Variants in RIOK2 observed in about 807,000 individuals in gnomAD.
The protein encoded by RIOK2 is serine/threonine-protein kinase RIO2.
Under a neutral mutation model 62.4 loss-of-function variants are expected in RIOK2, and 46 were observed. The observed-to-expected ratio is 0.74, with a 90% CI of 0.58 to 0.94. The LOEUF is 0.94. Among genes scored for constraint, RIOK2 ranks in the 40% least tolerant of loss-of-function variants. The pLI is 0.00. For missense variants in RIOK2, 574 were observed against 658.0 expected (o/e 0.87, Z 1.40); for synonymous variants, 197 against 216.0 (o/e 0.91, Z 0.77).
intron 1 of RIOK2, among the ~76,000 whole-genome samples, chr5:97,180,142 G>GTATGTATGTATATATA (rs1350504483): frequency 3.1e-5 from 3 of 96,072 alleles, no homozygotes; most frequent in Non-Finnish European, 6.1e-5. Context: ...ATATATATAT[G>GTATGTATGTATATATA]TATATATATA....
rs1482780413 is a variant in RIOK2 at position 97,161,216 on chromosome 5, G to A, written c.*1845C>T. 6.6e-6 allele frequency: 1 copy of A among 152,174 alleles called. No individual in the cohort carries two copies. Among genetic ancestry groups the A allele is most frequent in the Non-Finnish European group, 1.5e-5 (1 of 68,028 alleles). 9.4% of individuals were successfully genotyped at this position (152,174 alleles called of 1,614,324 possible). A position where few individuals can be genotyped will look rare whatever the true frequency, so the allele number is the denominator to read the frequency against. On this transcript the variant is annotated 3_prime_UTR_variant, in exon 10 of 10. Coordinates refer to ENST00000283109, the MANE Select transcript of RIOK2 (RefSeq NM_018343.3). The stretch of plus-strand genomic sequence containing the variant: ...ACAGAAGGTACCTGAGGTTTGGGAA[G>A]TGTAGAACCAGGATTTAAATCTGGA...
rs1409087651 is a variant in RIOK2, at chr5:97,161,072, A to G, written c.*1989T>C. On this transcript the variant is annotated 3_prime_UTR_variant, in exon 10 of 10. Transcript: ENST00000283109. ...ATTTTAGCAGTACTAACCATACAGTATATGTCAGGCACTGTAATAAACTCT... is the reference window on the plus strand; with the variant it reads ...ATTTTAGCAGTACTAACCATACAGTGTATGTCAGGCACTGTAATAAACTCT... 3 of 152,212 alleles carry G rather than the reference A, an allele frequency of 2.0e-5. No individual in the cohort carries two copies. Among genetic ancestry groups the G allele is most frequent in the Admixed American group, 1.3e-4 (2 of 15,284 alleles). 9.4% of individuals were successfully genotyped at this position (152,212 alleles called of 1,614,324 possible).
chr5:97,169,110 A>G (rs76510468), intron 6 of RIOK2, among the ~76,000 whole-genome samples: 2,691 of 152,276 alleles, frequency 0.018, 67 homozygotes, highest in African/African-American at 0.061. Flanking sequence ...TGTCATAGTT[A>G]CTGGTATATA....
rs574262356 is a variant in RIOK2, at chr5:97,161,554, G to T, written c.*1507C>A. On this transcript the variant is annotated 3_prime_UTR_variant, in exon 10 of 10. Coordinates refer to ENST00000283109, the MANE Select transcript of RIOK2 (RefSeq NM_018343.3). Reference sequence around the variant, plus strand: ...CTAATCTTTGCCCAAATGAGGTAAGGCCTCCATTTCTGATTGGAATAATTA... The same window carrying T: ...CTAATCTTTGCCCAAATGAGGTAAGTCCTCCATTTCTGATTGGAATAATTA... 6.6e-6 allele frequency: 1 copy of T among 152,050 alleles called. No homozygotes were observed. Among genetic ancestry groups the T allele is most frequent in the Admixed American group, 6.6e-5 (1 of 15,260 alleles). The allele number at this position is 152,050 out of a possible 1,614,324, so 9.4% of individuals were successfully genotyped here.
At chr5:97,176,810 CA>C (rs1749174389) in intron 4 of RIOK2, among the ~76,000 whole-genome samples, 1 of 152,172 alleles carries the variant, frequency 6.6e-6, no homozygotes, top group Admixed American at 6.5e-5. Flanking sequence ...GATATATATA[CA>C]TCCACACATA....
intron 6 of RIOK2, among the ~76,000 whole-genome samples, chr5:97,170,352 TA>T (rs1748967067): frequency 6.6e-6 from 1 of 152,226 alleles, no homozygotes; most frequent in African/African-American, 2.4e-5. Context: ...GTGTCAGAGA[TA>T]AAGTTTTATG....
chr5:97,167,403 C>T, intron 8 of RIOK2, 64 bp downstream of exon 8: 1 of 1,548,330 alleles, frequency 6.5e-7, no homozygotes, highest in East Asian at 2.3e-5. Flanking sequence ...CATTCTTTTA[C>T]TAGAATCTAA....
At chr5:97,172,888 T>A (rs1470767356) in intron 5 of RIOK2, among the ~76,000 whole-genome samples, 1 of 152,196 alleles carries the variant, frequency 6.6e-6, no homozygotes, top group African/African-American at 2.4e-5. Flanking sequence ...TCCATCAGAA[T>A]GTAAATTCCA....
At chr5:97,167,360 A>G (rs903725373) in intron 8 of RIOK2, 107 bp downstream of exon 8, 83 of 1,507,490 alleles carry the variant, frequency 5.5e-5, no homozygotes, top group Non-Finnish European at 6.8e-5. Context: ...TCAAGGTGGC[A>G]GAATACAATT....
chr5:97,169,203 T>C (rs939726012), intron 6 of RIOK2, among the ~76,000 whole-genome samples: 9 of 152,194 alleles, frequency 5.9e-5, no homozygotes, highest in African/African-American at 1.4e-4. Flanking sequence ...TTTCCACTTA[T>C]TCTGTTCGTC....
rs1407548454 is a variant in RIOK2, at chr5:97,171,077, C to A, written c.779+129G>T. On this transcript the variant is annotated intron_variant, in intron 6 of 9. Coordinates refer to ENST00000283109, the MANE Select transcript of RIOK2 (RefSeq NM_018343.3). ...TCGGGAGGCTGAGGCAGGAGCATTGCTTGAACCCGGGAGGTGGAAGTTGCA... is the reference window on the plus strand; with the variant it reads ...TCGGGAGGCTGAGGCAGGAGCATTGATTGAACCCGGGAGGTGGAAGTTGCA... 7.6e-5 allele frequency: 41 copies of A among 536,042 alleles called. No homozygotes were observed. In the East Asian group the frequency reaches 1.4e-3, roughly 19 times the overall value. 33.2% of individuals were successfully genotyped at this position (536,042 alleles called of 1,614,324 possible).
At chr5:97,180,126 G>GTA (rs1339692700) in intron 1 of RIOK2, among the ~76,000 whole-genome samples, 794 of 30,700 alleles carry the variant, frequency 0.026, 28 homozygotes, top group African/African-American at 0.06. Flanking sequence ...ATGTGTATAT[G>GTA]TATATATATA....
At chr5:97,175,013 G>A (rs1749125163) in intron 4 of RIOK2, among the ~76,000 whole-genome samples, 1 of 152,032 alleles carries the variant, frequency 6.6e-6, no homozygotes, top group Admixed American at 6.6e-5. Flanking sequence ...AGCCGTGATC[G>A]TGCCACTGCA....
intron 4 of RIOK2, among the ~76,000 whole-genome samples, chr5:97,176,559 C>G (rs374417134): frequency 2.0e-5 from 3 of 152,126 alleles, no homozygotes; most frequent in Admixed American, 6.5e-5. Context: ...TCAGGCTGGG[C>G]TCCTTACCTC....
At chr5:97,169,978 T>TAAA (rs1610947) in intron 6 of RIOK2, among the ~76,000 whole-genome samples, 10,077 of 152,278 alleles carry the variant, frequency 0.066, 396 homozygotes, top group African/African-American at 0.084. Context: ...AATCTTTTAG[T>TAAA]ATTATTTTGT....
chr5:97,171,377 T>C lies in RIOK2; in HGVS notation c.608A>G (p.Glu203Gly). Reference sequence around the variant, plus strand: ...TTCATCATATACTGATGCAGGATCTTCAACATGGTGTATCTGACATCTGAA... The same window carrying C: ...TTCATCATATACTGATGCAGGATCTCCAACATGGTGTATCTGACATCTGAA... ...GYPLCQIHHV[E>G]DPASVYDEAM... Residue 203 changes from glutamate (E) to glycine (G), a missense_variant, in exon 6 of 10, where the codon GAA becomes GGA. Transcript: ENST00000283109. 6.5e-7 allele frequency: 1 copy of C among 1,547,028 alleles called. No homozygotes were observed.
chr5:97,167,281 A>G (rs1748868708), intron 8 of RIOK2, 186 bp downstream of exon 8: 14 of 1,436,634 alleles, frequency 9.7e-6, no homozygotes, highest in Non-Finnish European at 1.2e-5. Flanking sequence ...GCCTAGAATC[A>G]GGTCAATTGA....
intron 4 of RIOK2, chr5:97,176,883 A>G: frequency 2.3e-6 from 1 of 433,664 alleles, no homozygotes; most frequent in Non-Finnish European, 4.1e-6. Context: ...TCAGCATTAC[A>G]GAATGTGTTG....
At chr5:97,164,875 C>A (rs760653820) in intron 9 of RIOK2, 176 bp downstream of exon 9, 67 of 389,610 alleles carry the variant, frequency 1.7e-4, no homozygotes, top group Non-Finnish European at 2.5e-4. Flanking sequence ...TCTACCACAT[C>A]CTTTGAGCAA....
Sources: allele counts gnomAD v4.1 joint callset (sites outside exome capture counted in the v4.1 genomes callset), GRCh38; gene constraint gnomAD v4.1.1; transcripts MANE v1.5; gene names NCBI Gene and HGNC (gene_info 2026-07-23, HGNC 2026-07-21).